Variants in NTM observed in about 807,000 individuals in gnomAD.
NTM encodes IgLON family member 2.
NTM carries 13 observed loss-of-function variants against 42.1 expected under a neutral mutation model. That is an observed-to-expected ratio of 0.31 (90% CI 0.20 to 0.49). NTM has a LOEUF of 0.49. Among genes scored for constraint, NTM ranks in the 20% least tolerant of loss-of-function variants. The pLI is 0.99. For missense variants in NTM, 373 were observed against 452.8 expected, an observed-to-expected ratio of 0.82 and a Z score of 1.60; for synonymous variants, 187 against 179.2, an observed-to-expected ratio of 1.04 and a Z score of -0.35.
At chr11:131,750,478 A>G (rs1565499407) in intron 1 of NTM, among the ~76,000 whole-genome samples, 1 of 152,172 alleles carries the variant, frequency 6.6e-6, no homozygotes, top group Non-Finnish European at 1.5e-5. Flanking sequence ...ACCACCATAC[A>G]GGTCTTTTTT....
intron 2 of NTM, among the ~76,000 whole-genome samples, chr11:132,084,492 C>T (rs2059461065): frequency 6.6e-6 from 1 of 152,138 alleles, no homozygotes; most frequent in African/African-American, 2.4e-5. Context: ...CTGGATGCCT[C>T]AGGGACCCTC....
chr11:131,647,561 A>G (rs1038124183), intron 1 of NTM, among the ~76,000 whole-genome samples: 54 of 152,170 alleles, frequency 3.5e-4, no homozygotes, highest in Non-Finnish European at 7.1e-4. Context: ...CTGCCAGGTA[A>G]TTTTTATATT....
At position 132,049,805 on chromosome 11, in the gene NTM, T is replaced by C. The variant is rs561023645; in HGVS notation, c.168-96477T>C. ...TTTCAGTCTAGCTCAGTCATGAGGATGGCCACCAAGGTTTTTGCCGGTCAG... is the reference window on the plus strand; with the variant it reads ...TTTCAGTCTAGCTCAGTCATGAGGACGGCCACCAAGGTTTTTGCCGGTCAG... On this transcript the variant is annotated intron_variant, in intron 2 of 8. Transcript: ENST00000683400. Among the ~76,000 whole-genome samples the C allele has an allele frequency of 7.9e-5, 12 of 152,262 alleles. No individual in the cohort carries two copies. The South Asian group carries it at 1.5e-3, about 18-fold the overall frequency.
intron 1 of NTM, among the ~76,000 whole-genome samples, chr11:131,858,180 A>G (rs11222820): frequency 0.097 from 14,654 of 150,934 alleles, 805 homozygotes; most frequent in Middle Eastern, 0.13. Context: ...CTTCCTACAC[A>G]CTCTCTTTTC....
At chr11:131,861,355 T>C (rs1351238053) in intron 1 of NTM, among the ~76,000 whole-genome samples, 1 of 152,190 alleles carries the variant, frequency 6.6e-6, no homozygotes, top group Non-Finnish European at 1.5e-5. Flanking sequence ...CCCCCAGCAG[T>C]GAGGGGCTTG....
chr11:132,100,082 A>G (rs2061454888), intron 2 of NTM, among the ~76,000 whole-genome samples: 1 of 152,250 alleles, frequency 6.6e-6, no homozygotes, highest in South Asian at 2.1e-4. Context: ...AAATTAAAAC[A>G]AAAACAAAAG....
chr11:131,393,556 T>A (rs1229254734), intron 1 of NTM, among the ~76,000 whole-genome samples: 3 of 152,168 alleles, frequency 2.0e-5, no homozygotes, highest in African/African-American at 7.2e-5. Context: ...CCTGTGCCCA[T>A]CCTGGGTGCT....
At chr11:131,867,194 G>A (rs547230723) in intron 1 of NTM, among the ~76,000 whole-genome samples, 1 of 152,346 alleles carries the variant, frequency 6.6e-6, no homozygotes, top group South Asian at 2.1e-4. Context: ...CAGGGCTCGG[G>A]AAAGAATGTG....
At position 132,152,442 on chromosome 11, in the gene NTM, T is replaced by C. The variant is rs577215527; in HGVS notation, c.400+5928T>C. On this transcript the variant is annotated intron_variant, in intron 3 of 8. Transcript: ENST00000683400. ...CATCCCAAACTGCTTTCCAATGACCTCTCTTTTTCCTGTCCCATTCAAGAA... is the reference window on the plus strand; with the variant it reads ...CATCCCAAACTGCTTTCCAATGACCCCTCTTTTTCCTGTCCCATTCAAGAA... 9.4e-4 allele frequency among the ~76,000 whole-genome samples: 143 copies of C among 152,330 alleles called. 2 individuals are homozygous for C. The South Asian group carries it at 0.028, about 29-fold the overall frequency.
chr11:132,279,720 A>G (rs986816024), intron 4 of NTM, among the ~76,000 whole-genome samples: 11 of 152,096 alleles, frequency 7.2e-5, no homozygotes, highest in African/African-American at 2.7e-4. Context: ...TATTTCCCTA[A>G]TAACTCACCT....
chr11:131,442,256 G>A (rs564572881), intron 1 of NTM, among the ~76,000 whole-genome samples: 38 of 152,226 alleles, frequency 2.5e-4, no homozygotes, highest in Admixed American at 8.5e-4. Flanking sequence ...GTTTGCATCC[G>A]TGGTTGAGAC....
chr11:132,317,319 C>T (rs1173155231), intron 7 of NTM, among the ~76,000 whole-genome samples: 1 of 152,100 alleles, frequency 6.6e-6, no homozygotes, highest in Admixed American at 6.5e-5. Flanking sequence ...AAACAAGTCT[C>T]ATCTGGAAGG....
chr11:131,608,260 C>T lies in NTM; in HGVS notation c.82+237372C>T, dbSNP rs181519531. On this transcript the variant is annotated intron_variant, in intron 1 of 8. Transcript: ENST00000683400. The stretch of plus-strand genomic sequence containing the variant: ...TTTATGGCTGCATAGTATTCCATGG[C>T]GTATATGTGCCACATTTTCTTAATC... Among the ~76,000 whole-genome samples the T allele has an allele frequency of 6.2e-3, 947 of 152,170 alleles. 1 individual carries two copies. Among genetic ancestry groups the T allele is most frequent in the African/African-American group, 0.019 (809 of 41,494 alleles).
intron 4 of NTM, among the ~76,000 whole-genome samples, chr11:132,219,634 C>G (rs892301272): frequency 8.5e-5 from 13 of 152,132 alleles, no homozygotes; most frequent in Admixed American, 2.0e-4. Flanking sequence ...GGCCCTCCCC[C>G]CCCACTGTCT....
In NTM at chr11:131,388,264, A is replaced by G. The variant is rs541475984; in HGVS notation, c.82+17376A>G. Among the ~76,000 whole-genome samples, 47 of 152,260 alleles carry G rather than the reference A, an allele frequency of 3.1e-4. 1 individual carries two copies. Among genetic ancestry groups the G allele is most frequent in the African/African-American group, 8.7e-4 (36 of 41,568 alleles). On this transcript the variant is annotated intron_variant, in intron 1 of 8. Coordinates refer to ENST00000683400, the MANE Select transcript of NTM (RefSeq NM_001352005.2). ...GTGTGTAAGCCGTATAAATATGTAC[A>G]TTCACTTATCTATGTAAGTACATAT...
At chr11:131,400,391 CA>C (rs1187174551) in intron 1 of NTM, among the ~76,000 whole-genome samples, 1 of 152,158 alleles carries the variant, frequency 6.6e-6, no homozygotes, top group East Asian at 1.9e-4. Flanking sequence ...TCCAAATGCA[CA>C]ATCTTTATTC....
intron 1 of NTM, among the ~76,000 whole-genome samples, chr11:131,869,530 A>C (rs1428880895): frequency 6.6e-6 from 1 of 152,188 alleles, no homozygotes; most frequent in East Asian, 1.9e-4. Context: ...TTTTGTCCCA[A>C]GTAAAATTTA....
chr11:132,033,023 G>A (rs563659649), intron 2 of NTM, among the ~76,000 whole-genome samples: 1 of 152,266 alleles, frequency 6.6e-6, no homozygotes, highest in Admixed American at 6.5e-5. Flanking sequence ...GGTAAGTAAA[G>A]GCTCAGATAC....
chr11:131,959,185 C>A (rs2061865207), intron 2 of NTM, among the ~76,000 whole-genome samples: 1 of 152,168 alleles, frequency 6.6e-6, no homozygotes, highest in Non-Finnish European at 1.5e-5. Context: ...AAACTCAAAT[C>A]TTTTGTAATG....
Sources: allele counts gnomAD v4.1 joint callset (sites outside exome capture counted in the v4.1 genomes callset), GRCh38; gene constraint gnomAD v4.1.1; transcripts MANE v1.5; gene names NCBI Gene and HGNC (gene_info 2026-07-23, HGNC 2026-07-21).